Variants in TBC1D8B observed in about 807,000 individuals in gnomAD.
TBC1D8B encodes RP11-321G1.1.
TBC1D8B carries 75 observed loss-of-function variants against 82.9 expected under a neutral mutation model. The observed-to-expected ratio is 0.90, with a 90% confidence interval of 0.75 to 1.10. TBC1D8B has a LOEUF of 1.10. Among genes scored for constraint, TBC1D8B ranks in the 50% least tolerant of loss-of-function variants. The pLI is 0.00. For synonymous variants in TBC1D8B, 276 were observed against 276.8 expected, an observed-to-expected ratio of 1.00 and a Z score of 0.03; for missense variants, 794 against 796.9, an observed-to-expected ratio of 1.00 and a Z score of 0.04.
chrX:106,807,366 TA>T (rs1450607516), intron 1 of TBC1D8B, among the ~76,000 whole-genome samples: 1 of 110,859 alleles, frequency 9.0e-6, no homozygotes, highest in Non-Finnish European at 1.9e-5. Flanking sequence ...GAAATCAAGT[TA>T]AAGATTACTT....
chrX:106,865,154 A>G (rs1227384125), intron 14 of TBC1D8B, among the ~76,000 whole-genome samples: 2 of 111,732 alleles, frequency 1.8e-5, no homozygotes, highest in Non-Finnish European at 3.8e-5. Context: ...GAGGGAATGT[A>G]CATCTCCCAA....
intron 1 of TBC1D8B, chrX:106,814,990 G>A (rs1339621995): frequency 1.8e-5 from 2 of 111,128 alleles, no homozygotes; most frequent in Non-Finnish European, 3.8e-5. Flanking sequence ...CTCCCATTCT[G>A]TAGGTTGCCT....
At chrX:106,840,496 TA>T (rs780363595) in intron 9 of TBC1D8B, among the ~76,000 whole-genome samples, 173 bp from the exon 10 acceptor site, 2 of 111,913 alleles carry the variant, frequency 1.8e-5, no homozygotes, top group Non-Finnish European at 3.8e-5. Context: ...TTCTGTTGGA[TA>T]AATTAGTAGC....
At position 106,865,961 on chromosome X, in the gene TBC1D8B, T is replaced by C. The variant is rs746849741; in HGVS notation, c.2590T>C (p.Leu864=). 9.1e-6 allele frequency: 11 copies of C among 1,209,746 alleles called. No individual in the cohort carries two copies. The South Asian group carries it at 1.8e-4, about 19-fold the overall frequency. Residue 864 remains leucine, a synonymous_variant, in exon 16 of 21, where the codon TTA becomes CTA. Coordinates refer to ENST00000357242, the MANE Select transcript of TBC1D8B (RefSeq NM_017752.3). ...TTCTGCAAATAAAGACTCACTAGCT[T>C]TATGGACATTCAGATTGTTAGATGA... ...AHSANKDSLA[L]WTFRLLDENS...
chrX:106,802,729 C>A lies in TBC1D8B; in HGVS notation c.-125C>A. ...GAGGGTTGGGGGAAGTGTGGAAAACCTGAACCTGAGCTGCTGTCGCCTGAG... is the reference window on the plus strand; with the variant it reads ...GAGGGTTGGGGGAAGTGTGGAAAACATGAACCTGAGCTGCTGTCGCCTGAG... On this transcript the variant is annotated 5_prime_UTR_variant, in exon 1 of 21. It adds an upstream start codon to the 5' untranslated region. Coordinates refer to ENST00000357242, the MANE Select transcript of TBC1D8B (RefSeq NM_017752.3). The A allele has an allele frequency of 9.6e-7, 1 of 1,039,115 alleles. No individual in the cohort carries two copies. The allele number at this position is 1,039,115 out of a possible 1,213,427, so 85.6% of individuals were successfully genotyped here.
intron 10 of TBC1D8B, among the ~76,000 whole-genome samples, chrX:106,842,920 C>T (rs1047466788): frequency 9.0e-6 from 1 of 111,357 alleles, no homozygotes; most frequent in East Asian, 2.8e-4. Context: ...GCCTATTGTG[C>T]ACATTTTATA....
At chrX:106,828,654 T>C (rs1370772273) in intron 7 of TBC1D8B, 1 of 109,155 alleles carries the variant, frequency 9.2e-6, no homozygotes, top group African/African-American at 3.4e-5. Context: ...AATCAATAAA[T>C]GTAATCCAGC....
intron 14 of TBC1D8B, among the ~76,000 whole-genome samples, chrX:106,864,660 A>T (rs1932802141): frequency 9.2e-6 from 1 of 109,227 alleles, no homozygotes; most frequent in Non-Finnish European, 1.9e-5. Context: ...CTGCGATTAT[A>T]GGCATACGCC....
At chrX:106,806,202 G>A (rs1425975589) in intron 1 of TBC1D8B, among the ~76,000 whole-genome samples, 1 of 112,235 alleles carries the variant, frequency 8.9e-6, no homozygotes, top group African/African-American at 3.2e-5. Context: ...AACACTTCTA[G>A]TGGATATCTG....
rs770740458 is a variant in TBC1D8B at position 106,863,504 on chromosome X, C to A, written c.2353-2055C>A. 1.2e-4 allele frequency among the ~76,000 whole-genome samples: 13 copies of A among 111,555 alleles called. 1 individual carries two copies. Among genetic ancestry groups the A allele is most frequent in the African/African-American group, 4.2e-4 (13 of 30,684 alleles). On this transcript the variant is annotated intron_variant, in intron 14 of 20. Transcript: ENST00000357242. ...CCCTGTGGAGGGAGGCACACACCAC[C>A]CCTCTATCAAGCTGCGAACCTGGGT...
intron 8 of TBC1D8B, 59 bp from the exon 9 acceptor site, chrX:106,839,989 A>G: frequency 9.1e-7 from 1 of 1,100,546 alleles, no homozygotes. Context: ...TGGGAAAGTT[A>G]TTTTGCAGAA....
chrX:106,835,910 T>C (rs1247515765), intron 7 of TBC1D8B, among the ~76,000 whole-genome samples: 1 of 112,058 alleles, frequency 8.9e-6, no homozygotes, highest in Non-Finnish European at 1.9e-5. Flanking sequence ...AACAAGTCTA[T>C]AGGAAGTTCC....
At chrX:106,865,764 A>C (rs745954404) in intron 15 of TBC1D8B, 29 bp from the exon 16 acceptor site, 16 of 1,153,578 alleles carry the variant, frequency 1.4e-5, no homozygotes, top group Non-Finnish European at 3.5e-6. Flanking sequence ...TCTAATTAGT[A>C]ACTTTCCTTT....
In TBC1D8B at chrX:106,823,346, A is replaced by G; in HGVS notation, c.707A>G (p.His236Arg). 8.3e-7 allele frequency: 1 copy of G among 1,210,625 alleles called. No homozygotes were observed. The highest frequency in any genetic ancestry group is 1.1e-6 in the Non-Finnish European group (1 of 894,821). ...GENHYFSMFL[H>R]INQTYLLMEQ... ...AATCACTACTTTTCAATGTTTTTGC[A>G]CATTAACCAAACATACCTTCTTATG... The change falls in exon 5 of 21, where the codon CAC becomes CGC. Residue 236 changes from histidine to arginine, a missense_variant. Coordinates refer to ENST00000357242, the MANE Select transcript of TBC1D8B (RefSeq NM_017752.3).
chrX:106,865,406 A>G (rs1932807415), intron 14 of TBC1D8B, 153 bp from the exon 15 acceptor site: 2 of 281,810 alleles, frequency 7.1e-6, no homozygotes, highest in Non-Finnish European at 6.2e-6. Flanking sequence ...ACTTTATAAT[A>G]TAATAACTTA....
intron 1 of TBC1D8B, among the ~76,000 whole-genome samples, chrX:106,813,278 A>G (rs1438651069): frequency 8.9e-6 from 1 of 112,268 alleles, no homozygotes; most frequent in East Asian, 2.8e-4. Flanking sequence ...AAATTGGTAC[A>G]TATTAATTTC....
In TBC1D8B at chrX:106,849,760, T is replaced by C. The variant is rs185504183; in HGVS notation, c.1838-265T>C. 6.2e-4 allele frequency: 519 copies of C among 840,416 alleles called. 1 individual carries two copies. Among genetic ancestry groups the C allele is most frequent in the Non-Finnish European group, 7.4e-4 (499 of 672,286 alleles). The allele number at this position is 840,416 out of a possible 1,213,427, so 69.3% of individuals were successfully genotyped here. A position where few individuals can be genotyped will look rare whatever the true frequency, so the allele number is the denominator to read the frequency against. ...CTGAACATGAGACTATTTCATTAAT[T>C]GGTATAGCTCTTATAATACCTAGTA... On this transcript the variant is annotated intron_variant, in intron 11 of 20. Transcript: ENST00000357242.
rs913903568 is a variant in TBC1D8B at position 106,848,747 on chromosome X, CTTAG to C, written c.1837+447_1837+450del. ...CAAGATTTCAAAGAAGGATCGAGTT[CTTAG>C]TTTGTTAATTGTATAATTTTTATTT... On this transcript the variant is annotated intron_variant, in intron 11 of 20. Coordinates refer to ENST00000357242, the MANE Select transcript of TBC1D8B (RefSeq NM_017752.3). 3.0e-3 allele frequency among the ~76,000 whole-genome samples: 333 copies of C among 110,337 alleles called. 4 individuals are homozygous for C. Among genetic ancestry groups the C allele is most frequent in the African/African-American group, 0.011 (325 of 30,433 alleles).
chrX:106,827,036 C>A, intron 6 of TBC1D8B, 134 bp from the exon 7 acceptor site: 1 of 651,460 alleles, frequency 1.5e-6, no homozygotes, highest in East Asian at 3.3e-5. Context: ...AACTAGTACC[C>A]AAAGTCTATT....
Sources: allele counts gnomAD v4.1 joint callset (sites outside exome capture counted in the v4.1 genomes callset), GRCh38; gene constraint gnomAD v4.1.1; transcripts MANE v1.5; gene names NCBI Gene and HGNC (gene_info 2026-07-23, HGNC 2026-07-21).